Variants in DMD observed in about 807,000 individuals in gnomAD.
The protein encoded by DMD is dystrophin.
A neutral mutation model predicts 330.1 loss-of-function variants in DMD; 63 were observed. The ratio of observed to expected loss-of-function variants is 0.19; its 90% CI spans 0.16 to 0.24. The LOEUF (loss-of-function observed/expected upper bound fraction) is 0.24, where lower values mean the gene tolerates loss of function less well. DMD is among the 10% of genes least tolerant of loss of function. DMD has a pLI of 1.00. For missense variants in DMD, 3,344 were observed against 2,684.1 expected, an observed-to-expected ratio of 1.25 and a Z score of -5.43; for synonymous variants, 1,223 against 959.8, an observed-to-expected ratio of 1.27 and a Z score of -5.07.
intron 60 of DMD, among the ~76,000 whole-genome samples, chrX:31,401,683 G>T (rs977145246): frequency 9.0e-6 from 1 of 111,628 alleles, no homozygotes; most frequent in South Asian, 3.8e-4. Context: ...AGGAATTAAT[G>T]AAAGTTCTCT....
intron 63 of DMD, among the ~76,000 whole-genome samples, chrX:31,243,863 C>G (rs1241916088): frequency 8.9e-6 from 1 of 112,415 alleles, no homozygotes; most frequent in East Asian, 2.8e-4. Context: ...TCCTCAAAGT[C>G]TTACGTGGAA....
At chrX:32,860,988 CG>C (rs2082034708) in intron 2 of DMD, among the ~76,000 whole-genome samples, 1 of 111,753 alleles carries the variant, frequency 8.9e-6, no homozygotes, top group Non-Finnish European at 1.9e-5. Flanking sequence ...TTGGAAAACA[CG>C]GGGGAATGGT....
intron 59 of DMD, among the ~76,000 whole-genome samples, chrX:31,459,134 A>G (rs1251246673): frequency 9.0e-6 from 1 of 111,163 alleles, no homozygotes; most frequent in Non-Finnish European, 1.9e-5. Context: ...TGAAGACCAA[A>G]AACCAACTGG....
chrX:33,012,946 T>G (rs1415205134), intron 2 of DMD, among the ~76,000 whole-genome samples: 2 of 110,892 alleles, frequency 1.8e-5, no homozygotes, highest in East Asian at 2.8e-4. Context: ...ATGGTTGCAT[T>G]TTGGGGTTAC....
rs181568123 is a variant in DMD, at chrX:33,065,808, C to T, written c.32-45608G>A. Among the ~76,000 whole-genome samples, 33 of 112,092 alleles carry T rather than the reference C, an allele frequency of 2.9e-4. No individual in the cohort carries two copies. The East Asian group carries it at 8.2e-3, about 28-fold the overall frequency. Reference sequence around the variant, plus strand: ...TATGACAGATGTCATATTACAATGCCCTACATAATAGTATGCAAGGGCAAT... The same window carrying T: ...TATGACAGATGTCATATTACAATGCTCTACATAATAGTATGCAAGGGCAAT... On this transcript the variant is annotated intron_variant, in intron 1 of 78. Coordinates refer to ENST00000357033, the MANE Select transcript of DMD (RefSeq NM_004006.3).
chrX:32,315,499 G>T (rs945039693), intron 41 of DMD, among the ~76,000 whole-genome samples: 1 of 106,516 alleles, frequency 9.4e-6, no homozygotes, highest in Non-Finnish European at 1.9e-5. Context: ...ATGTATCCCA[G>T]AACTTAAGTA....
At chrX:32,854,553 A>G (rs1162321253) in intron 2 of DMD, among the ~76,000 whole-genome samples, 1 of 102,365 alleles carries the variant, frequency 9.8e-6, no homozygotes, top group Non-Finnish European at 2.0e-5. Flanking sequence ...CAAAGTTTAC[A>G]GCAATAAGCA....
chrX:33,282,846 G>T (rs982547714), intron 1 of DMD, among the ~76,000 whole-genome samples: 1 of 111,963 alleles, frequency 8.9e-6, no homozygotes, highest in Non-Finnish European at 1.9e-5. Flanking sequence ...ACAGGTGGGG[G>T]TCCCCATCTT....
In DMD at chrX:31,784,558, A is replaced by G. The variant is rs2091193938; in HGVS notation, c.7310-10366T>C. Among the ~76,000 whole-genome samples the G allele has an allele frequency of 2.7e-5, 3 of 112,223 alleles. No homozygotes were observed. The Admixed American group carries it at 2.8e-4, about 11-fold the overall frequency. On this transcript the variant is annotated intron_variant, in intron 50 of 78. Coordinates refer to ENST00000357033, the MANE Select transcript of DMD (RefSeq NM_004006.3). ...TGTACGGTTAGTCCCCAACTTACTA[A>G]GGTCTAACTTGTAATTTTTGGACTT...
intron 2 of DMD, among the ~76,000 whole-genome samples, chrX:32,961,375 A>T (rs1039445872): frequency 9.1e-6 from 1 of 109,604 alleles, no homozygotes; most frequent in Non-Finnish European, 1.9e-5. Flanking sequence ...TCTCACTGCT[A>T]TTTTTTTTTA....
chrX:31,388,838 G>C (rs1430917665), intron 60 of DMD, among the ~76,000 whole-genome samples: 2 of 112,093 alleles, frequency 1.8e-5, no homozygotes, highest in African/African-American at 6.5e-5. Flanking sequence ...TGAGGTGGAG[G>C]TTGCAGTGAG....
chrX:32,584,653 A>G (rs992548901), intron 13 of DMD, among the ~76,000 whole-genome samples: 9 of 112,197 alleles, frequency 8.0e-5, no homozygotes, highest in Non-Finnish European at 1.7e-4. Flanking sequence ...CCAGTGAAAA[A>G]AGCCAGTTAA....
chrX:32,133,449 T>C (rs1215776556), intron 44 of DMD, among the ~76,000 whole-genome samples: 2 of 111,841 alleles, frequency 1.8e-5, no homozygotes, highest in African/African-American at 6.5e-5. Context: ...TGTTATCTTA[T>C]ACAAACACCT....
intron 47 of DMD, among the ~76,000 whole-genome samples, chrX:31,913,614 A>G (rs2094571453): frequency 8.9e-6 from 1 of 111,750 alleles, no homozygotes; most frequent in Non-Finnish European, 1.9e-5. Flanking sequence ...GTAAATTATT[A>G]GCAGAGATAG....
chrX:32,832,943 A>G (rs5928085), intron 4 of DMD, among the ~76,000 whole-genome samples: 52,734 of 109,806 alleles, frequency 0.48, 9,544 homozygotes, highest in Non-Finnish European at 0.55. Flanking sequence ...AGAAATTTAC[A>G]TTAGATAATT....
At chrX:31,801,984 T>A (rs571634833) in intron 50 of DMD, among the ~76,000 whole-genome samples, 233 of 111,229 alleles carry the variant, frequency 2.1e-3, no homozygotes, top group African/African-American at 7.2e-3. Context: ...AAGGATAGTG[T>A]CTCAATCAGA....
intron 11 of DMD, among the ~76,000 whole-genome samples, chrX:32,620,925 A>G (rs2057940786): frequency 8.9e-6 from 1 of 111,953 alleles, no homozygotes; most frequent in Non-Finnish European, 1.9e-5. Context: ...TTGAGACTTG[A>G]AAAATTCATT....
At chrX:33,005,307 TATA>T (rs1300944312) in intron 2 of DMD, among the ~76,000 whole-genome samples, 2 of 81,675 alleles carry the variant, frequency 2.4e-5, no homozygotes, top group Non-Finnish European at 5.4e-5. Context: ...CATATATATA[TATA>T]ATATGTCAAC....
chrX:31,529,564 A>C (rs2073542579), intron 55 of DMD, among the ~76,000 whole-genome samples: 1 of 110,959 alleles, frequency 9.0e-6, no homozygotes, highest in African/African-American at 3.3e-5. Flanking sequence ...ATTCTCTCCA[A>C]GTAACAAAAG....
Sources: gnomAD v4.1 joint callset for allele counts (sites outside exome capture counted in the v4.1 genomes callset) on GRCh38, gnomAD v4.1.1 for gene constraint, MANE v1.5 for transcripts, NCBI Gene and HGNC (gene_info 2026-07-23, HGNC 2026-07-21) for gene names.